SLA: variants seen among roughly 807,000 people sequenced by gnomAD.
SLA encodes the protein Src like adaptor, also known as src-like-adapter.
In SLA, 16 loss-of-function variants were observed where a neutral mutation model predicts 30.3. That is an observed-to-expected ratio of 0.53 (90% CI 0.36 to 0.80). The LOEUF (loss-of-function observed/expected upper bound fraction) is 0.80, where lower values mean the gene tolerates loss of function less well. SLA is among the 30% of genes least tolerant of loss of function. The pLI, the probability that SLA is intolerant of heterozygous loss-of-function variation, is 0.01. For synonymous variants in SLA, 143 were observed against 137.8 expected (o/e 1.04, Z -0.26); for missense variants, 310 against 345.2 (o/e 0.90, Z 0.81).
At chr8:133,076,554 A>G (rs958380371) in intron 1 of SLA, 1 of 151,992 alleles carries the variant, frequency 6.6e-6, no homozygotes, top group Non-Finnish European at 1.5e-5. Flanking sequence ...AGAAATATGC[A>G]GAAGTGGAGA....
At chr8:133,058,278 G>C (rs528855753) in intron 3 of SLA, among the ~76,000 whole-genome samples, 1 of 152,308 alleles carries the variant, frequency 6.6e-6, no homozygotes, top group Non-Finnish European at 1.5e-5. Context: ...ACCAGCGCTT[G>C]ATGTGGTTGC....
chr8:133,052,747 A>T (rs551380611), intron 3 of SLA, among the ~76,000 whole-genome samples: 1 of 152,342 alleles, frequency 6.6e-6, no homozygotes, highest in African/African-American at 2.4e-5. Flanking sequence ...ACAATTGCAA[A>T]TACAAAATGA....
chr8:133,096,420 A>G lies in SLA; in HGVS notation c.-319+6133T>C, dbSNP rs184178860. 230 of 1,610,070 alleles carry G rather than the reference A, an allele frequency of 1.4e-4. 1 individual carries two copies. In the East Asian group the frequency reaches 4.3e-3, roughly 30 times the overall value. On this transcript the variant is annotated intron_variant, in intron 1 of 8. Transcript: ENST00000338087. ...GATGTCTCCAGCTGGGCATTTCCTAAGGGCTCTGGACCTCAATGTCTGACT... is the reference window on the plus strand; with the variant it reads ...GATGTCTCCAGCTGGGCATTTCCTAGGGGCTCTGGACCTCAATGTCTGACT...
intron 1 of SLA, among the ~76,000 whole-genome samples, chr8:133,078,044 C>T (rs1178854408): frequency 6.6e-6 from 1 of 152,144 alleles, no homozygotes; most frequent in African/African-American, 2.4e-5. Flanking sequence ...AGTTGGTTTT[C>T]CTGCTTTTGT....
intron 2 of SLA, 118 bp downstream of exon 2, chr8:133,074,735 C>T (rs1392530969): frequency 6.4e-6 from 3 of 465,914 alleles, no homozygotes; most frequent in Non-Finnish European, 8.4e-6. Flanking sequence ...AAGACATTGC[C>T]CCACCTGTTC....
At chr8:133,059,891 C>T (rs184156288) in intron 3 of SLA, among the ~76,000 whole-genome samples, 22 of 152,352 alleles carry the variant, frequency 1.4e-4, no homozygotes, top group Non-Finnish European at 2.8e-4. Context: ...AAAGATTTGA[C>T]ACCCTTCAGG....
At chr8:133,067,586 G>A (rs1843206893) in intron 2 of SLA, among the ~76,000 whole-genome samples, 1 of 152,030 alleles carries the variant, frequency 6.6e-6, no homozygotes, top group Admixed American at 6.6e-5. Flanking sequence ...GACCAACCTG[G>A]CCAACGTTGT....
intron 1 of SLA, chr8:133,095,119 G>A: frequency 6.2e-7 from 1 of 1,614,234 alleles, no homozygotes; most frequent in East Asian, 2.2e-5. Flanking sequence ...TTTGGCAAAG[G>A]AGGTCAGTTG....
rs5895172 is a variant in SLA, at chr8:133,045,387, C to CTTTTTTT, written c.353-279_353-273dup. On this transcript the variant is annotated intron_variant, in intron 6 of 8. Coordinates refer to ENST00000338087, the MANE Select transcript of SLA (RefSeq NM_001045556.3). ...AGGAACACAGGTTTCATCCTCTTTG[C>CTTTTTTT]TTTTTTTTTTTTTTTTTTTTTTTTT... Among the ~76,000 whole-genome samples, 252 of 65,896 alleles carry CTTTTTTT rather than the reference C, an allele frequency of 3.8e-3. 1 individual carries two copies. Among genetic ancestry groups the CTTTTTTT allele is most frequent in the Non-Finnish European group, 4.3e-3 (168 of 38,760 alleles). 43.2% of individuals were successfully genotyped at this position (65,896 alleles called of 152,430 possible). A position where few individuals can be genotyped will look rare whatever the true frequency, so the allele number is the denominator to read the frequency against.
At position 133,040,067 on chromosome 8, in the gene SLA, G is replaced by A. The variant is rs765056069; in HGVS notation, c.548C>T (p.Pro183Leu). Residue 183 changes from proline (P) to leucine (L), a missense_variant, in exon 8 of 9, where the codon CCA becomes CTA. Transcript: ENST00000338087. ...AGGTGAGCTGGAGGCCCTCACTGCT[G>A]GGGCAGCCGTGCTTTGTGTCAGGCA... ...TPCLTQSTAAPAVRASSSPVT... is the reference protein window; with the variant it reads ...TPCLTQSTAALAVRASSSPVT... The A allele has an allele frequency of 2.4e-5, 37 of 1,556,246 alleles. 1 individual carries two copies. In the South Asian group the frequency reaches 4.0e-4, roughly 17 times the overall value.
In SLA at chr8:133,055,933, A is replaced by G. The variant is rs561403739; in HGVS notation, c.61+4167T>C. ...GTGGTGGTACCGAGGTTACCCCTGA[A>G]GTCCTCACGCCTCCCTGTGAGGTTG... On this transcript the variant is annotated intron_variant, in intron 3 of 8. Coordinates refer to ENST00000338087, the MANE Select transcript of SLA (RefSeq NM_001045556.3). 3.3e-5 allele frequency among the ~76,000 whole-genome samples: 5 copies of G among 152,166 alleles called. No homozygotes were observed. The East Asian group carries it at 7.7e-4, about 24-fold the overall frequency.
Position 133,050,161 on chromosome 8 carries a change from G to C in SLA, c.162-173C>G, listed in dbSNP as rs1399403062. ...TCATCTGAAAATTTTCTTTTTAAAG[G>C]ATATGTGTCCAGTGGATAGCCCTCC... On this transcript the variant is annotated intron_variant, in intron 4 of 8. Transcript: ENST00000338087. The C allele has an allele frequency of 4.8e-6, 3 of 629,996 alleles. No individual in the cohort carries two copies. In the South Asian group the frequency reaches 5.4e-5, roughly 11 times the overall value. The allele number at this position is 629,996 out of a possible 1,614,324, so 39.0% of individuals were successfully genotyped here. A position where few individuals can be genotyped will look rare whatever the true frequency, so the allele number is the denominator to read the frequency against.
chr8:133,084,896 G>A (rs1259470591), intron 1 of SLA, among the ~76,000 whole-genome samples: 1 of 152,268 alleles, frequency 6.6e-6, no homozygotes, highest in Non-Finnish European at 1.5e-5. Context: ...GGCACATAGA[G>A]GGTGGGTAGT....
intron 2 of SLA, among the ~76,000 whole-genome samples, chr8:133,070,801 G>C (rs872286): frequency 0.8 from 122,480 of 152,206 alleles, 49,398 homozygotes; most frequent in Admixed American, 0.84. Flanking sequence ...GTGCACACTG[G>C]CCCGTGTCTG....
chr8:133,052,991 G>A (rs1459017276), intron 3 of SLA, among the ~76,000 whole-genome samples: 1 of 152,204 alleles, frequency 6.6e-6, no homozygotes, highest in African/African-American at 2.4e-5. Context: ...TGAATGGGCC[G>A]TTTATTAACA....
chr8:133,069,349 C>A (rs965933607), intron 2 of SLA, among the ~76,000 whole-genome samples: 17 of 152,262 alleles, frequency 1.1e-4, no homozygotes, highest in Admixed American at 5.9e-4. Flanking sequence ...GTGACCTGAT[C>A]TGGGATCTCC....
chr8:133,067,012 C>T (rs921979318), intron 2 of SLA, among the ~76,000 whole-genome samples: 2 of 152,172 alleles, frequency 1.3e-5, no homozygotes, highest in African/African-American at 4.8e-5. Context: ...ATTTTCCCGC[C>T]GTGACTGTAC....
At chr8:133,061,053 C>G (rs1486014844) in intron 2 of SLA, among the ~76,000 whole-genome samples, 5 of 152,206 alleles carry the variant, frequency 3.3e-5, no homozygotes. Context: ...ACTCTGTCGC[C>G]TAGGTTGGAG....
chr8:133,076,030 GAAA>G (rs1844807702), intron 1 of SLA: 1 of 152,126 alleles, frequency 6.6e-6, no homozygotes, highest in Non-Finnish European at 1.5e-5. Flanking sequence ...CTCAAGCAGA[GAAA>G]CTCAGGCACA....
Sources: gnomAD v4.1 joint callset for allele counts (sites outside exome capture counted in the v4.1 genomes callset) on GRCh38, gnomAD v4.1.1 for gene constraint, MANE v1.5 for transcripts, NCBI Gene and HGNC (gene_info 2026-07-23, HGNC 2026-07-21) for gene names.